Variants in LINC00305 observed in about 807,000 individuals in gnomAD.
LINC00305 encodes long intergenic non-protein coding RNA 305.
At chr18:64,094,770 GGA>G (rs2144897715) in intron 3 of LINC00305, among the ~76,000 whole-genome samples, 1 of 152,164 alleles carries the variant, frequency 6.6e-6, no homozygotes, top group South Asian at 2.1e-4. Flanking sequence ...GGCTGAGGCA[GGA>G]GAATCGCTTG....
intron 1 of LINC00305, chr18:64,148,761 T>A (rs1469879132): frequency 6.6e-6 from 1 of 152,172 alleles, no homozygotes; most frequent in Non-Finnish European, 1.5e-5. Flanking sequence ...GGGAGAGAGT[T>A]TTTTTACAAG....
At position 64,109,957 on chromosome 18, in the gene LINC00305, C is replaced by T. The variant is rs148106039; in HGVS notation, n.315-11317G>A. 4.3e-3 allele frequency among the ~76,000 whole-genome samples: 651 copies of T among 152,286 alleles called. 4 individuals are homozygous for T. The highest frequency in any genetic ancestry group is 0.014 in the African/African-American group (599 of 41,560). ...CACAAAATTGTAAACTTTCTTAAAT[C>T]ATTGTGAGTTTTTTTCTGCAATTTT... On this transcript the variant is annotated intron_variant and non_coding_transcript_variant, in intron 1 of 3. Coordinates refer to ENST00000666468, the Ensembl canonical transcript of LINC00305.
chr18:64,083,964 G>A (rs1280298938), intron 3 of LINC00305, among the ~76,000 whole-genome samples: 2 of 152,176 alleles, frequency 1.3e-5, no homozygotes. Context: ...GGATCCCCAT[G>A]CTGGGCTTCT....
intron 1 of LINC00305, among the ~76,000 whole-genome samples, chr18:64,142,826 G>A (rs1786092695): frequency 6.6e-6 from 1 of 152,122 alleles, no homozygotes; most frequent in Non-Finnish European, 1.5e-5. Context: ...AAAACTAGGA[G>A]AATGAATAAG....
At chr18:64,105,449 A>T (rs1005036969) in intron 1 of LINC00305, among the ~76,000 whole-genome samples, 1 of 152,182 alleles carries the variant, frequency 6.6e-6, no homozygotes, top group Non-Finnish European at 1.5e-5. Flanking sequence ...ACAGAGTGAG[A>T]TTCCGTCTCA....
At chr18:64,088,095 G>T (rs1432733318) in intron 3 of LINC00305, among the ~76,000 whole-genome samples, 1 of 151,632 alleles carries the variant, frequency 6.6e-6, no homozygotes, top group Non-Finnish European at 1.5e-5. Context: ...AGCCGAGATC[G>T]CACCACTGCA....
At chr18:64,111,776 T>C (rs922166639) in intron 1 of LINC00305, among the ~76,000 whole-genome samples, 5 of 152,134 alleles carry the variant, frequency 3.3e-5, no homozygotes, top group African/African-American at 1.2e-4. Context: ...TTCAGGAAAG[T>C]GTTAGGGAAG....
intron 1 of LINC00305, among the ~76,000 whole-genome samples, chr18:64,118,821 GGTCT>G (rs1568112356): frequency 1.6e-5 from 2 of 121,438 alleles, no homozygotes; most frequent in African/African-American, 3.3e-5. Flanking sequence ...AGACCCTGGG[GGTCT>G]GTGTGTGTGT....
chr18:64,085,180 T>C (rs1466119080), intron 3 of LINC00305, among the ~76,000 whole-genome samples: 1 of 152,218 alleles, frequency 6.6e-6, no homozygotes, highest in East Asian at 1.9e-4. Context: ...AGAAGGCCCC[T>C]TTCATCCCTT....
intron 1 of LINC00305, among the ~76,000 whole-genome samples, chr18:64,132,423 T>C (rs2051413809): frequency 6.6e-6 from 1 of 152,242 alleles, no homozygotes; most frequent in Non-Finnish European, 1.5e-5. Context: ...ATTAATTATT[T>C]GCACATATTC....
intron 3 of LINC00305, among the ~76,000 whole-genome samples, chr18:64,087,770 C>T (rs1021247733): frequency 1.3e-5 from 2 of 152,104 alleles, no homozygotes; most frequent in African/African-American, 2.4e-5. Context: ...GAGTTATTGT[C>T]TGGTGCTAAC....
At chr18:64,089,932 G>C (rs537782978) in intron 3 of LINC00305, among the ~76,000 whole-genome samples, 1 of 152,310 alleles carries the variant, frequency 6.6e-6, no homozygotes, top group South Asian at 2.1e-4. Context: ...CTTACAACCT[G>C]TGGTAATTCA....
At chr18:64,101,272 A>T (rs1278498309) in intron 1 of LINC00305, among the ~76,000 whole-genome samples, 1 of 152,204 alleles carries the variant, frequency 6.6e-6, no homozygotes, top group Non-Finnish European at 1.5e-5. Flanking sequence ...TAGGGTAAAG[A>T]TAACAGTGCT....
chr18:64,082,208 C>G (rs773610400), intron 3 of LINC00305, among the ~76,000 whole-genome samples: 13 of 151,868 alleles, frequency 8.6e-5, no homozygotes, highest in Non-Finnish European at 1.3e-4. Flanking sequence ...GTGCTCGAGA[C>G]TTTTTTTTCA....
intron 3 of LINC00305, among the ~76,000 whole-genome samples, chr18:64,090,655 CT>C (rs1319041250): frequency 6.6e-6 from 1 of 152,164 alleles, no homozygotes; most frequent in Non-Finnish European, 1.5e-5. Context: ...GATAATTGTA[CT>C]GAAATATGAA....
intron 3 of LINC00305, among the ~76,000 whole-genome samples, chr18:64,088,332 C>T (rs1224901807): frequency 6.6e-6 from 1 of 152,190 alleles, no homozygotes; most frequent in African/African-American, 2.4e-5. Flanking sequence ...TTTCTTCTCC[C>T]ACCATCCTGA....
chr18:64,136,578 A>G (rs1463211283), intron 1 of LINC00305, among the ~76,000 whole-genome samples: 8 of 152,136 alleles, frequency 5.3e-5, no homozygotes, highest in African/African-American at 1.9e-4. Flanking sequence ...CACCCTTGAC[A>G]CCTGCGGATT....
intron 1 of LINC00305, among the ~76,000 whole-genome samples, chr18:64,103,831 G>C (rs957739360): frequency 3.3e-5 from 5 of 152,224 alleles, no homozygotes; most frequent in African/African-American, 1.2e-4. Context: ...AGATACTAGA[G>C]TCAGTGGTGA....
chr18:64,143,595 C>G (rs576699047), intron 1 of LINC00305, among the ~76,000 whole-genome samples: 1 of 92,104 alleles, frequency 1.1e-5, no homozygotes, highest in Non-Finnish European at 2.3e-5. Flanking sequence ...CATATGTACA[C>G]ATATGTATAT....
Sources: gnomAD v4.1 joint callset for allele counts (sites outside exome capture counted in the v4.1 genomes callset) on GRCh38, gnomAD v4.1.1 for gene constraint, MANE v1.5 for transcripts, NCBI Gene and HGNC (gene_info 2026-07-23, HGNC 2026-07-21) for gene names.